CHODL: variants seen among roughly 807,000 people sequenced by gnomAD.
The protein encoded by CHODL is transmembrane protein MT75.
CHODL carries 29 observed loss-of-function variants against 34.5 expected under a neutral mutation model. The observed-to-expected ratio is 0.84, with a 90% CI of 0.63 to 1.15. The LOEUF (loss-of-function observed/expected upper bound fraction) is 1.15, where lower values mean the gene tolerates loss of function less well. Among genes scored for constraint, CHODL ranks in the 50% most tolerant of loss-of-function variants. The pLI is 0.00. For missense variants in CHODL, 332 were observed against 332.5 expected (o/e 1.00, Z 0.01); for synonymous variants, 125 against 116.1 (o/e 1.08, Z -0.49).
chr21:18,003,807 C>T (rs2063934297), intron 1 of CHODL, among the ~76,000 whole-genome samples: 2 of 152,202 alleles, frequency 1.3e-5, no homozygotes, highest in Admixed American at 1.3e-4. Flanking sequence ...GGCTTCAGCT[C>T]ACTGCTTAGC....
At chr21:18,030,313 T>G (rs1437236344) in intron 2 of CHODL, among the ~76,000 whole-genome samples, 1 of 152,202 alleles carries the variant, frequency 6.6e-6, no homozygotes, top group Non-Finnish European at 1.5e-5. Context: ...AGTCCATGTC[T>G]GGACAACGAG....
At chr21:17,978,004 A>G (rs2063680289) in intron 1 of CHODL, among the ~76,000 whole-genome samples, 1 of 151,302 alleles carries the variant, frequency 6.6e-6, no homozygotes, top group African/African-American at 2.4e-5. Context: ...TTTGTTTTCT[A>G]TTGTTGGCAT....
intron 2 of CHODL, among the ~76,000 whole-genome samples, chr21:18,062,099 A>C (rs2064673921): frequency 6.6e-6 from 1 of 152,164 alleles, no homozygotes; most frequent in Non-Finnish European, 1.5e-5. Context: ...GAAGAATATA[A>C]AAAGTAAAGA....
At chr21:18,218,689 T>C (rs2073854456) in intron 2 of CHODL, among the ~76,000 whole-genome samples, 1 of 152,176 alleles carries the variant, frequency 6.6e-6, no homozygotes, top group Admixed American at 6.6e-5. Flanking sequence ...TTCCAAACTT[T>C]TGTGCTCTGT....
At position 18,248,710 on chromosome 21, in the gene CHODL, A is replaced by ATATACATATATATGTATATAT. The variant is rs1555885899; in HGVS notation, c.79+3412_79+3413insCATATATATGTATATATTATA. 2.1e-3 allele frequency among the ~76,000 whole-genome samples: 196 copies of ATATACATATATATGTATATAT among 92,150 alleles called. 2 individuals carry two copies. Among genetic ancestry groups the ATATACATATATATGTATATAT allele is most frequent in the East Asian group, 4.1e-3 (16 of 3,874 alleles). The allele number at this position is 92,150 out of a possible 152,430, so 60.5% of individuals were successfully genotyped here. A position where few individuals can be genotyped will look rare whatever the true frequency, so the allele number is the denominator to read the frequency against. On this transcript the variant is annotated intron_variant, in intron 1 of 5. Transcript: ENST00000299295. ...TATTATATACATATATATGTATATA[A>ATATACATATATATGTATATAT]TATATACATATATATGTATATAATA...
chr21:18,088,559 G>A (rs1390804949), intron 2 of CHODL, among the ~76,000 whole-genome samples: 7 of 152,176 alleles, frequency 4.6e-5, no homozygotes, highest in Non-Finnish European at 1.0e-4. Flanking sequence ...GCCAAGCCCT[G>A]TGGTTTTCTC....
At chr21:18,236,851 A>C (rs139172463) in intron 2 of CHODL, among the ~76,000 whole-genome samples, 170 of 152,182 alleles carry the variant, frequency 1.1e-3, no homozygotes, top group African/African-American at 4.0e-3. Context: ...TTGTGTTGTA[A>C]TTTGTAGTCT....
At chr21:18,239,542 A>G (rs2074062035) in intron 2 of CHODL, among the ~76,000 whole-genome samples, 1 of 151,928 alleles carries the variant, frequency 6.6e-6, no homozygotes, top group Admixed American at 6.6e-5. Flanking sequence ...TAGTCATTTG[A>G]TATATTTGGA....
intron 2 of CHODL, among the ~76,000 whole-genome samples, chr21:18,100,737 C>A (rs1356905011): frequency 6.6e-6 from 1 of 152,084 alleles, no homozygotes; most frequent in Non-Finnish European, 1.5e-5. Context: ...TGAAAAGAGT[C>A]ATTCAGGAAT....
At chr21:18,251,504 AT>A (rs1191428240) in intron 1 of CHODL, among the ~76,000 whole-genome samples, 4 of 124,672 alleles carry the variant, frequency 3.2e-5, no homozygotes, top group Admixed American at 8.0e-5. Context: ...ATAAATATTT[AT>A]TTTAATATAT....
At chr21:18,112,711 T>C (rs1310146566) in intron 2 of CHODL, among the ~76,000 whole-genome samples, 1 of 152,098 alleles carries the variant, frequency 6.6e-6, no homozygotes, top group Non-Finnish European at 1.5e-5. Context: ...TGGATATCCA[T>C]AGGCAAAAGA....
intron 1 of CHODL, among the ~76,000 whole-genome samples, chr21:17,989,364 A>T (rs1320469687): frequency 5.3e-5 from 8 of 152,182 alleles, no homozygotes; most frequent in Non-Finnish European, 8.8e-5. Flanking sequence ...TTTCTTTTAA[A>T]TCCAAAATTT....
chr21:18,099,037 C>T (rs945523942), intron 2 of CHODL, among the ~76,000 whole-genome samples: 1 of 151,838 alleles, frequency 6.6e-6, no homozygotes, highest in African/African-American at 2.4e-5. Context: ...AACAATTGAA[C>T]CCATGAAGAT....
At chr21:18,252,209 C>T (rs993129720) in intron 1 of CHODL, among the ~76,000 whole-genome samples, 1 of 152,026 alleles carries the variant, frequency 6.6e-6, no homozygotes, top group Non-Finnish European at 1.5e-5. Context: ...AGTTCGACGG[C>T]ATAAATGTAA....
chr21:18,077,125 C>T (rs1212294610), intron 2 of CHODL, among the ~76,000 whole-genome samples: 1 of 152,160 alleles, frequency 6.6e-6, no homozygotes, highest in Non-Finnish European at 1.5e-5. Flanking sequence ...AGCATTAAGT[C>T]AAAGAATACC....
chr21:18,233,441 A>G (rs901593566), intron 2 of CHODL, among the ~76,000 whole-genome samples: 1 of 152,226 alleles, frequency 6.6e-6, no homozygotes. Context: ...TGGCTATAGT[A>G]TCATAAGACA....
intron 1 of CHODL, among the ~76,000 whole-genome samples, chr21:18,006,879 T>A (rs933227841): frequency 3.3e-5 from 5 of 152,220 alleles, no homozygotes; most frequent in Non-Finnish European, 7.3e-5. Flanking sequence ...AGCAGCTTGG[T>A]GCCTTCAGTC....
At chr21:18,083,700 T>C (rs565310734) in intron 2 of CHODL, among the ~76,000 whole-genome samples, 1 of 152,358 alleles carries the variant, frequency 6.6e-6, no homozygotes, top group East Asian at 1.9e-4. Context: ...ACTGCCCTGC[T>C]GGGCTTTGGA....
chr21:18,177,062 A>T (rs2073324557), intron 2 of CHODL, among the ~76,000 whole-genome samples: 1 of 151,870 alleles, frequency 6.6e-6, no homozygotes. Context: ...AAATTATATT[A>T]AAAAATAAAG....
Sources: allele counts gnomAD v4.1 joint callset (sites outside exome capture counted in the v4.1 genomes callset), GRCh38; gene constraint gnomAD v4.1.1; transcripts MANE v1.5; gene names NCBI Gene and HGNC (gene_info 2026-07-23, HGNC 2026-07-21).